Variants in NEBL observed in about 807,000 individuals in gnomAD.
NEBL encodes LIM and SH3 protein 2.
A neutral mutation model predicts 140.2 loss-of-function variants in NEBL; 122 were observed. That is an observed-to-expected ratio of 0.87 (90% CI 0.75 to 1.01). NEBL has a LOEUF of 1.01. Ranked by LOEUF, NEBL falls within the 50% of genes least tolerant of loss-of-function variation. The pLI, the probability that NEBL is intolerant of heterozygous loss-of-function variation, is 0.00. For missense variants in NEBL, 1,365 were observed against 1,231.3 expected (o/e 1.11, Z -1.62); for synonymous variants, 436 against 398.9 (o/e 1.09, Z -1.11).
At chr10:21,146,407 A>T in intron 2 of NEBL, 1 of 1,605,556 alleles carries the variant, frequency 6.2e-7, no homozygotes, top group East Asian at 2.3e-5. Context: ...TTAGTAAAGC[A>T]CAAACACTCT....
intron 16 of NEBL, among the ~76,000 whole-genome samples, chr10:20,829,425 G>A (rs1439736036): frequency 6.7e-6 from 1 of 148,238 alleles, no homozygotes. Flanking sequence ...ATCACACTCT[G>A]GGGACTGTTG....
intron 3 of NEBL, among the ~76,000 whole-genome samples, chr10:21,000,231 AG>A (rs1355979948): frequency 3.0e-5 from 2 of 66,798 alleles, no homozygotes; most frequent in African/African-American, 1.2e-4. Flanking sequence ...GGGGGGCCAG[AG>A]GGGGGCAGAG....
intron 2 of NEBL, among the ~76,000 whole-genome samples, chr10:21,136,513 A>G (rs914674057): frequency 6.6e-6 from 1 of 152,010 alleles, no homozygotes; most frequent in African/African-American, 2.4e-5. Flanking sequence ...TCTTATTTCA[A>G]ACCCTCACCC....
intron 1 of NEBL, among the ~76,000 whole-genome samples, chr10:21,288,086 C>A (rs1444052023): frequency 6.6e-6 from 1 of 152,132 alleles, no homozygotes; most frequent in Non-Finnish European, 1.5e-5. Flanking sequence ...AAGTGCTTAG[C>A]CAAGTACCTG....
chr10:21,252,793 T>C (rs1028264186), intron 1 of NEBL, among the ~76,000 whole-genome samples: 4 of 152,052 alleles, frequency 2.6e-5, no homozygotes, highest in African/African-American at 7.2e-5. Context: ...CTGTCTCTAC[T>C]AAAAATACAA....
At chr10:21,188,161 C>T (rs1841507656) in intron 3 of NEBL, among the ~76,000 whole-genome samples, 1 of 152,108 alleles carries the variant, frequency 6.6e-6, no homozygotes, top group African/African-American at 2.4e-5. Flanking sequence ...AGTGGTTTGC[C>T]CTGTGCCCTT....
At chr10:20,792,123 GAAAA>G (rs11286684) in intron 26 of NEBL, among the ~76,000 whole-genome samples, 1 of 106,762 alleles carries the variant, frequency 9.4e-6, no homozygotes, top group Admixed American at 1.0e-4. Flanking sequence ...ATTCCAAATA[GAAAA>G]AAAAAAAAAA....
chr10:20,897,080 T>G lies in NEBL; in HGVS notation c.81+45A>C. 3 of 1,599,860 alleles carry G rather than the reference T, an allele frequency of 1.9e-6. No homozygotes were observed. In the South Asian group the frequency reaches 3.3e-5, roughly 18 times the overall value. ...GAAAGAACATTTTTCTCATTGTCAA[T>G]TTAGAGGAACAAACGCTGGTCTGAG... On this transcript the variant is annotated intron_variant, in intron 1 of 27. Transcript: ENST00000377122.
rs181599636 is a variant in NEBL, at chr10:21,112,463, A to G, written c.164+59920T>C. Among the ~76,000 whole-genome samples the G allele has an allele frequency of 1.8e-4, 27 of 152,116 alleles. 1 individual carries two copies. The highest frequency in any genetic ancestry group is 9.2e-4 in the Admixed American group (14 of 15,260). On this transcript the variant is annotated intron_variant, in intron 2 of 6. Transcript: ENST00000417816. ...AGGGACATGGATGAAGCTGGAAGTG[A>G]TCATTCTAAGCAAACTATCACAAGG... is the stretch of plus-strand genomic sequence containing the variant.
chr10:20,977,743 A>G (rs1450630638), intron 3 of NEBL, among the ~76,000 whole-genome samples: 1 of 152,220 alleles, frequency 6.6e-6, no homozygotes. Context: ...AGGCAAATGT[A>G]ACAAAAGCAT....
chr10:21,084,134 A>G (rs2131945075), intron 2 of NEBL, among the ~76,000 whole-genome samples: 1 of 152,336 alleles, frequency 6.6e-6, no homozygotes, highest in African/African-American at 2.4e-5. Flanking sequence ...GTGGTCCCAG[A>G]TTGGGTATTA....
In NEBL at chr10:20,866,198, G is replaced by C. The variant is rs1588873701; in HGVS notation, c.684+2466C>G. Among the ~76,000 whole-genome samples the C allele has an allele frequency of 2.0e-5, 3 of 151,890 alleles. No individual in the cohort carries two copies. In the East Asian group the frequency reaches 5.8e-4, roughly 29 times the overall value. ...ACTTTTTTATCATTATTTTTTCATA[G>C]AACACACCATTCTGGGAAGGGGGCG... On this transcript the variant is annotated intron_variant, in intron 7 of 27. Transcript: ENST00000377122.
chr10:21,175,992 CTT>C (rs960209478), upstream of NEBL, among the ~76,000 whole-genome samples: 3 of 145,528 alleles, frequency 2.1e-5, no homozygotes, highest in Non-Finnish European at 3.0e-5. Context: ...TATGTTTAAT[CTT>C]TTTTTTTTTT....
chr10:20,924,351 C>T (rs1037471460), intron 4 of NEBL, among the ~76,000 whole-genome samples: 3 of 144,690 alleles, frequency 2.1e-5, no homozygotes, highest in Non-Finnish European at 3.0e-5. Context: ...TGTATCCACA[C>T]CTTAAGTTAC....
chr10:21,023,807 G>A (rs887035078), intron 2 of NEBL, among the ~76,000 whole-genome samples: 1 of 152,100 alleles, frequency 6.6e-6, no homozygotes, highest in African/African-American at 2.4e-5. Flanking sequence ...TGCAATTTGT[G>A]TCTCTTCACT....
intron 4 of NEBL, among the ~76,000 whole-genome samples, chr10:20,958,602 G>A (rs779700899): frequency 5.9e-5 from 9 of 152,106 alleles, no homozygotes; most frequent in African/African-American, 2.2e-4. Context: ...TCAATGAGAT[G>A]AAGACATCTT....
At chr10:21,185,644 A>C (rs1183190139) in intron 3 of NEBL, among the ~76,000 whole-genome samples, 1 of 151,500 alleles carries the variant, frequency 6.6e-6, no homozygotes, top group Non-Finnish European at 1.5e-5. Context: ...GATTACAGGC[A>C]TGCCACCACA....
chr10:21,217,022 A>G (rs1221831924), intron 3 of NEBL, among the ~76,000 whole-genome samples: 2 of 151,996 alleles, frequency 1.3e-5, no homozygotes, highest in African/African-American at 2.4e-5. Context: ...TGCTAATTTT[A>G]CTAAACTACT....
intron 2 of NEBL, among the ~76,000 whole-genome samples, chr10:21,143,456 A>G: frequency 6.7e-6 from 1 of 148,928 alleles, no homozygotes; most frequent in African/African-American, 2.6e-5. Flanking sequence ...CTCAAAAAAA[A>G]AAAAAAAAAA....
Sources: allele counts gnomAD v4.1 joint callset (sites outside exome capture counted in the v4.1 genomes callset), GRCh38; gene constraint gnomAD v4.1.1; transcripts MANE v1.5; gene names NCBI Gene and HGNC (gene_info 2026-07-23, HGNC 2026-07-21).